CHST8: variants seen among roughly 807,000 people sequenced by gnomAD.
CHST8 encodes carbohydrate sulfotransferase 8, also known as GALNAC-4-ST1.
A neutral mutation model predicts 15.0 loss-of-function variants in CHST8; 10 were observed. The observed-to-expected ratio is 0.67, with a 90% CI of 0.41 to 1.13. The LOEUF (loss-of-function observed/expected upper bound fraction) is 1.13. CHST8 is among the 50% of genes most tolerant of loss of function. The pLI is 0.00. For missense variants in CHST8, 634 were observed against 608.2 expected (o/e 1.04, Z -0.45); for synonymous variants, 259 against 256.6 (o/e 1.01, Z -0.09).
intron 1 of CHST8, among the ~76,000 whole-genome samples, chr19:33,629,354 A>G (rs1037574395): frequency 2.0e-5 from 3 of 152,142 alleles, no homozygotes; most frequent in Admixed American, 1.3e-4. Context: ...CCCAGAAAGA[A>G]TCCTCTCTTA....
intron 1 of CHST8, among the ~76,000 whole-genome samples, chr19:33,629,870 G>C (rs1178428618): frequency 6.6e-6 from 1 of 152,252 alleles, no homozygotes; most frequent in Non-Finnish European, 1.5e-5. Context: ...CTCCAGATGA[G>C]CCTTCCTGGG....
At chr19:33,761,495 A>C (rs1285991384) in intron 3 of CHST8, among the ~76,000 whole-genome samples, 1 of 151,916 alleles carries the variant, frequency 6.6e-6, no homozygotes, top group Non-Finnish European at 1.5e-5. Flanking sequence ...ACACTGGCCA[A>C]TTTTTGTATT....
At chr19:33,666,048 T>G (rs536610874) in intron 1 of CHST8, among the ~76,000 whole-genome samples, 4 of 152,200 alleles carry the variant, frequency 2.6e-5, no homozygotes, top group Admixed American at 2.6e-4. Context: ...GTGGATCATG[T>G]CTGTGCAGGT....
intron 2 of CHST8, among the ~76,000 whole-genome samples, chr19:33,688,080 T>A (rs1973018368): frequency 6.6e-6 from 1 of 152,144 alleles, no homozygotes; most frequent in African/African-American, 2.4e-5. Context: ...CGCTGGAAAG[T>A]AAGGGGACAG....
intron 3 of CHST8, among the ~76,000 whole-genome samples, chr19:33,738,426 T>C (rs534875052): frequency 1.1e-4 from 17 of 152,308 alleles, no homozygotes; most frequent in African/African-American, 4.1e-4. Flanking sequence ...AGAGAGGTAT[T>C]AATTAAGCAC....
intron 3 of CHST8, among the ~76,000 whole-genome samples, chr19:33,735,854 A>G (rs1013488352): frequency 2.0e-5 from 3 of 152,158 alleles, no homozygotes; most frequent in Admixed American, 6.5e-5. Context: ...CCAAAATCAC[A>G]TTCCCCACCT....
intron 3 of CHST8, among the ~76,000 whole-genome samples, chr19:33,690,573 G>C (rs991821878): frequency 3.9e-5 from 6 of 152,226 alleles, no homozygotes; most frequent in African/African-American, 1.4e-4. Flanking sequence ...CGAATGAGTT[G>C]AGAGTCAGAG....
chr19:33,641,314 C>G (rs778357509), intron 1 of CHST8, among the ~76,000 whole-genome samples: 38 of 152,174 alleles, frequency 2.5e-4, no homozygotes, highest in Non-Finnish European at 4.6e-4. Context: ...CCTCGGGGAA[C>G]AGGATTGCTG....
chr19:33,714,112 G>C (rs1484926761), intron 3 of CHST8, among the ~76,000 whole-genome samples: 1 of 152,098 alleles, frequency 6.6e-6, no homozygotes, highest in Non-Finnish European at 1.5e-5. Flanking sequence ...ACAACTAAAA[G>C]TAAAACTACC....
chr19:33,727,620 T>C (rs967590957), intron 3 of CHST8, among the ~76,000 whole-genome samples: 1 of 152,178 alleles, frequency 6.6e-6, no homozygotes, highest in African/African-American at 2.4e-5. Flanking sequence ...TGGGAGTTCA[T>C]GTTGGGAATC....
intron 3 of CHST8, among the ~76,000 whole-genome samples, chr19:33,765,077 AG>A: frequency 1.2e-5 from 1 of 85,778 alleles, no homozygotes; most frequent in African/African-American, 6.6e-5. Context: ...TATATATCAG[AG>A]TTTCTTTATC....
chr19:33,651,461 T>A (rs911655397), intron 1 of CHST8, among the ~76,000 whole-genome samples: 1 of 152,158 alleles, frequency 6.6e-6, no homozygotes, highest in Non-Finnish European at 1.5e-5. Context: ...CATAAATGTG[T>A]TTTTTTCTCT....
At chr19:33,659,050 A>G (rs1364701321) in intron 1 of CHST8, among the ~76,000 whole-genome samples, 1 of 136,500 alleles carries the variant, frequency 7.3e-6, no homozygotes, top group African/African-American at 2.7e-5. Context: ...TTTCATGGTT[A>G]GGTAATGACT....
At chr19:33,679,950 G>A (rs752181815) in intron 2 of CHST8, among the ~76,000 whole-genome samples, 4 of 152,178 alleles carry the variant, frequency 2.6e-5, no homozygotes, top group Non-Finnish European at 5.9e-5. Context: ...CTGAGTAAGG[G>A]GGAGGTGTAA....
At chr19:33,627,479 C>T (rs977280310) in intron 1 of CHST8, among the ~76,000 whole-genome samples, 3 of 152,088 alleles carry the variant, frequency 2.0e-5, no homozygotes, top group Non-Finnish European at 4.4e-5. Flanking sequence ...TAAGACAGTC[C>T]GTATGCAGGC....
Position 33,772,016 on chromosome 19 carries a change from T to G in CHST8, c.228T>G (p.Thr76=). The part of the protein sequence containing the change: ...GDLKEPTERV[T]RDLSSGAPRG... ...TGAAGGAACCCACAGAGAGGGTCAC[T>G]CGGGACTTATCCAGTGGGGCCCCGA... The change falls in exon 5 of 5, where the codon ACT becomes ACG. Residue 76 remains threonine (T), a synonymous_variant. Coordinates refer to ENST00000650847, the MANE Select transcript of CHST8 (RefSeq NM_001127895.2). 6.2e-7 allele frequency: 1 copy of G among 1,609,892 alleles called. No individual in the cohort carries two copies. The highest frequency in any genetic ancestry group is 8.5e-7 in the Non-Finnish European group (1 of 1,178,694).
intron 3 of CHST8, among the ~76,000 whole-genome samples, chr19:33,703,549 C>CG (rs772773938): frequency 8.5e-5 from 13 of 152,210 alleles, no homozygotes; most frequent in Non-Finnish European, 1.9e-4. Flanking sequence ...GGGGCGGGCG[C>CG]GGGCCCACAC....
At chr19:33,691,863 A>T (rs1423252272) in intron 3 of CHST8, among the ~76,000 whole-genome samples, 1 of 152,206 alleles carries the variant, frequency 6.6e-6, no homozygotes, top group African/African-American at 2.4e-5. Flanking sequence ...GAGCGGATCT[A>T]CGGAGGAAAT....
intron 3 of CHST8, among the ~76,000 whole-genome samples, chr19:33,704,720 G>A (rs1973413540): frequency 2.0e-5 from 3 of 152,184 alleles, no homozygotes; most frequent in Admixed American, 6.5e-5. Flanking sequence ...GACTAGCCTG[G>A]CCAACGTGGT....
Sources: allele counts gnomAD v4.1 joint callset (sites outside exome capture counted in the v4.1 genomes callset), GRCh38; gene constraint gnomAD v4.1.1; transcripts MANE v1.5; gene names NCBI Gene and HGNC (gene_info 2026-07-23, HGNC 2026-07-21).